The following FRMD1 variants were observed in gnomAD, a reference collection of about 807,000 sequenced individuals.
FRMD1 encodes FERM domain-containing protein 1.
In FRMD1, 51 loss-of-function variants were observed where a neutral mutation model predicts 54.9. That is an observed-to-expected ratio of 0.93 (90% CI 0.74 to 1.17). FRMD1 has a LOEUF of 1.17. FRMD1 is among the 50% of genes most tolerant of loss of function. FRMD1 has a pLI of 0.00. For missense variants in FRMD1, 729 were observed against 743.0 expected, an observed-to-expected ratio of 0.98 and a Z score of 0.22; for synonymous variants, 324 against 306.4, an observed-to-expected ratio of 1.06 and a Z score of -0.60.
Position 168,078,364 on chromosome 6 carries a change from A to T in FRMD1, c.213+518T>A, listed in dbSNP as rs373348291. 3.9e-5 allele frequency among the ~76,000 whole-genome samples: 6 copies of T among 152,170 alleles called. No homozygotes were observed. The East Asian group carries it at 7.7e-4, about 20-fold the overall frequency. ...CCGGGAAGGATGTGCTGAACCATAAACTTATTTCTCACAGCAACGTCTATC... is the reference window on the plus strand; with the variant it reads ...CCGGGAAGGATGTGCTGAACCATAATCTTATTTCTCACAGCAACGTCTATC... On this transcript the variant is annotated intron_variant, in intron 1 of 10. Coordinates refer to ENST00000283309, the MANE Select transcript of FRMD1 (RefSeq NM_024919.6).
At chr6:168,091,406 C>A (rs1583216694) in intron 1 of FRMD1, among the ~76,000 whole-genome samples, 1 of 152,202 alleles carries the variant, frequency 6.6e-6, no homozygotes, top group East Asian at 1.9e-4. Context: ...CCATCTCTGT[C>A]TCCCCAGGCC....
chr6:168,081,441 C>T (rs1336807502), upstream of FRMD1: 7 of 1,535,446 alleles, frequency 4.6e-6, no homozygotes, highest in Non-Finnish European at 4.4e-6. Context: ...GGGCAGAGGC[C>T]GCGAGGAAGA....
intron 6 of FRMD1, 86 bp from the exon 7 acceptor site, chr6:168,063,045 G>T: frequency 8.8e-7 from 1 of 1,138,386 alleles, no homozygotes; most frequent in Non-Finnish European, 1.3e-6. Flanking sequence ...CTGGCTAGGG[G>T]CCGAGGGCTC....
At chr6:168,075,051 G>C (rs1018532794) in intron 2 of FRMD1, among the ~76,000 whole-genome samples, 194 bp downstream of exon 2, 1 of 151,992 alleles carries the variant, frequency 6.6e-6, no homozygotes, top group South Asian at 2.1e-4. Context: ...GTGTGTACCT[G>C]CATGTGTGTG....
chr6:168,061,848 C>T lies in FRMD1; in HGVS notation c.1004G>A (p.Arg335Gln), dbSNP rs544437032. 87 of 1,574,430 alleles carry T rather than the reference C, an allele frequency of 5.5e-5. No individual in the cohort carries two copies. Among genetic ancestry groups the T allele is most frequent in the Admixed American group, 7.3e-5 (4 of 54,908 alleles). The change falls in exon 8 of 11, where the codon CGG (arginine) becomes CAG (glutamine). Residue 335 changes from arginine to glutamine, a missense_variant. By Grantham distance (43) the Arg-to-Gln change is conservative. Transcript: ENST00000283309. ...RASHQLHLRV[R>Q]PTLQQLRQRE... The stretch of plus-strand genomic sequence containing the variant: ...CTGCCGCAGCTGTTGCAGAGTGGGC[C>T]GCACGCGGAGGTGGAGCTGGTGGCT...
upstream of FRMD1, chr6:168,081,371 C>G (rs1254240585): frequency 1.3e-6 from 2 of 1,534,438 alleles, no homozygotes; most frequent in Non-Finnish European, 1.7e-6. Context: ...CTCGACTGGC[C>G]TGTTCGTGAT....
Position 168,059,236 on chromosome 6 carries a change from C to A in FRMD1, c.1343-48G>T. 1.3e-6 allele frequency: 2 copies of A among 1,498,690 alleles called. No homozygotes were observed. The highest frequency in any genetic ancestry group is 1.8e-6 in the Non-Finnish European group (2 of 1,106,976). 92.8% of individuals were successfully genotyped at this position (1,498,690 alleles called of 1,614,324 possible). On this transcript the variant is annotated intron_variant, in intron 9 of 10. Transcript: ENST00000283309. This position sits in a 1 kb window ranked among gnomAD's most constrained non-coding sequence, Gnocchi z 4.4. ...GCACAGGTGTCTGGGTTCTGCCCGA[C>A]ATGGCTCCTCCCCAGGGCAGTTCCC... is the stretch of plus-strand genomic sequence containing the variant.
At chr6:168,061,728 G>T in intron 8 of FRMD1, 79 bp downstream of exon 8, 3 of 1,398,314 alleles carry the variant, frequency 2.1e-6, no homozygotes, top group Middle Eastern at 2.6e-4. Flanking sequence ...GGCATAGTCC[G>T]GCCAGAGCCC....
chr6:168,065,141 C>G, intron 4 of FRMD1, 84 bp from the exon 5 acceptor site: 1 of 1,495,366 alleles, frequency 6.7e-7, no homozygotes, highest in Non-Finnish European at 8.9e-7. Flanking sequence ...CCTCCCCACA[C>G]CAGCTCCCAG....
At chr6:168,082,876 C>T (rs1800859505), upstream of FRMD1, among the ~76,000 whole-genome samples, 1 of 152,164 alleles carries the variant, frequency 6.6e-6, no homozygotes, top group African/African-American at 2.4e-5. Flanking sequence ...GGTACAGGGC[C>T]TGGGGCAAGG....
chr6:168,057,358 G>T lies in FRMD1; in HGVS notation c.1408-19C>A. On this transcript the variant is annotated intron_variant, in intron 10 of 10. Transcript: ENST00000283309. ...CCTGGATCTGCGGGGAGAGGCCATG[G>T]GATGAGGCCTGCTGCCCCCTCTCAC... 3.1e-6 allele frequency: 5 copies of T among 1,605,416 alleles called. No individual in the cohort carries two copies. Among genetic ancestry groups the T allele is most frequent in the Non-Finnish European group, 3.4e-6 (4 of 1,179,308 alleles).
chr6:168,081,681 C>A, upstream of FRMD1: 1 of 585,352 alleles, frequency 1.7e-6, no homozygotes, highest in South Asian at 3.6e-5. Context: ...CTGACACAGG[C>A]ACAGGACTAA....
At chr6:168,082,187 A>G (rs1174660479), upstream of FRMD1, among the ~76,000 whole-genome samples, 1 of 152,178 alleles carries the variant, frequency 6.6e-6, no homozygotes, top group Non-Finnish European at 1.5e-5. Context: ...CACAATCAGC[A>G]ACACCGACTG....
At chr6:168,082,192 C>T (rs542117707), upstream of FRMD1, among the ~76,000 whole-genome samples, 8 of 152,342 alleles carry the variant, frequency 5.3e-5, no homozygotes, top group Non-Finnish European at 7.3e-5. Flanking sequence ...TCAGCAACAC[C>T]GACTGATCCC....
intron 1 of FRMD1, among the ~76,000 whole-genome samples, chr6:168,088,967 G>A (rs1243453690): frequency 9.3e-6 from 1 of 107,626 alleles, no homozygotes; most frequent in African/African-American, 3.0e-5. Context: ...CACGTGCCCT[G>A]CTGAGAGCCC....
intron 2 of FRMD1, among the ~76,000 whole-genome samples, chr6:168,069,934 C>T (rs956813774): frequency 1.2e-4 from 18 of 152,184 alleles, no homozygotes; most frequent in African/African-American, 3.9e-4. Flanking sequence ...AAGATGAAGG[C>T]GACACTCAGG....
At chr6:168,089,948 G>A (rs1249343368) in intron 1 of FRMD1, among the ~76,000 whole-genome samples, 1 of 152,170 alleles carries the variant, frequency 6.6e-6, no homozygotes, top group Non-Finnish European at 1.5e-5. Context: ...CTCCTCGCCG[G>A]CAGGAAAAGC....
intron 2 of FRMD1, among the ~76,000 whole-genome samples, chr6:168,072,979 C>A (rs1247648840): frequency 6.6e-6 from 1 of 152,158 alleles, no homozygotes; most frequent in Non-Finnish European, 1.5e-5. Flanking sequence ...GCTCAGGTTC[C>A]CATGGGGGCA....
chr6:168,070,777 G>A (rs533843687), intron 2 of FRMD1, among the ~76,000 whole-genome samples: 59 of 152,318 alleles, frequency 3.9e-4, no homozygotes, highest in African/African-American at 1.3e-3. Context: ...GTGTGCGTGC[G>A]CGTCCTACTT....
Sources: allele counts gnomAD v4.1 joint callset (sites outside exome capture counted in the v4.1 genomes callset), GRCh38; gene constraint gnomAD v4.1.1; non-coding constraint Gnocchi (gnomAD v3.1); transcripts MANE v1.5; gene names NCBI Gene and HGNC (gene_info 2026-07-23, HGNC 2026-07-21).